Variants in ZNF841 observed in about 807,000 individuals in gnomAD.
ZNF841 encodes the protein zinc finger protein 841.
Under a neutral mutation model 13.0 loss-of-function variants are expected in ZNF841, and 11 were observed. That is an observed-to-expected ratio of 0.85 (90% confidence interval 0.53 to 1.40). ZNF841 has a LOEUF of 1.40. Ranked by LOEUF, ZNF841 falls within the 40% of genes most tolerant of loss-of-function variation. ZNF841 has a pLI of 0.00. For missense variants in ZNF841, 1,068 were observed against 1,139.5 expected (o/e 0.94, Z 0.90); for synonymous variants, 369 against 381.6 (o/e 0.97, Z 0.38).
chr19:52,084,836 G>A lies in ZNF841; in HGVS notation c.-35C>T, dbSNP rs1475555598. 2 of 1,605,904 alleles carry A rather than the reference G, an allele frequency of 1.2e-6. No homozygotes were observed. Among genetic ancestry groups the A allele is most frequent in the Non-Finnish European group, 1.7e-6 (2 of 1,176,272 alleles). ...CTTTTCTTTCTTCTTTCTCTCCTGG[G>A]CCTCTCTCTCAGTCAATATAATTAA... On this transcript the variant is annotated 5_prime_UTR_variant, in exon 4 of 7. Transcript: ENST00000594440.
In ZNF841 at chr19:52,066,431, G is replaced by C. The variant is rs1200960597; in HGVS notation, c.1451C>G (p.Pro484Arg). Residue 484 changes from proline to arginine, a missense_variant, in exon 7 of 7, where the codon CCC becomes CGC. Pro to Arg is a moderately radical substitution (Grantham distance 103). Coordinates refer to ENST00000594440, the MANE Select transcript of ZNF841 (RefSeq NM_001136499.2). ...CTTGCCACATTCATTACATTTGTAG[G>C]GTTTCTCTCCAGTATGAATTCTCCG... ...GHRRIHTGEK[P>R]YKCNECGKVF... The C allele has an allele frequency of 2.5e-6, 4 of 1,614,042 alleles. No individual in the cohort carries two copies. The highest frequency in any genetic ancestry group is 2.5e-6 in the Non-Finnish European group (3 of 1,180,000).
At chr19:52,083,485 A>T (rs2088167639) in intron 4 of ZNF841, among the ~76,000 whole-genome samples, 2 of 152,060 alleles carry the variant, frequency 1.3e-5, no homozygotes, top group Non-Finnish European at 2.9e-5. Context: ...TAAAAAAAAT[A>T]AAAATTCTTT....
intron 4 of ZNF841, 52 bp downstream of exon 4, chr19:52,084,735 T>C (rs1403807416): frequency 1.2e-6 from 2 of 1,602,608 alleles, no homozygotes; most frequent in East Asian, 4.5e-5. Flanking sequence ...TCCAATGCCC[T>C]GCATTTCAAA....
intron 2 of ZNF841, among the ~76,000 whole-genome samples, chr19:52,090,705 A>AAGAAAGAAAGAC (rs1568549782): frequency 7.6e-6 from 1 of 131,918 alleles, no homozygotes; most frequent in East Asian, 2.2e-4. Context: ...GAAAGAAAGA[A>AAGAAAGAAAGAC]AGAGAAAGAA....
At position 52,065,827 on chromosome 19, in the gene ZNF841, T is replaced by G; in HGVS notation, c.2055A>C (p.Glu685Asp). 1 of 1,613,606 alleles carries G rather than the reference T, an allele frequency of 6.2e-7. No homozygotes were observed. The highest frequency in any genetic ancestry group is 8.5e-7 in the Non-Finnish European group (1 of 1,179,676). The change falls in exon 7 of 7, where the codon GAA becomes GAC. Residue 685 changes from glutamate to aspartate, a missense_variant. Physicochemically the swap from Glu to Asp is conservative, Grantham distance 45. Coordinates refer to ENST00000594440, the MANE Select transcript of ZNF841 (RefSeq NM_001136499.2). ...AACTTTGGATAAAAGCCTCACCAAA[T>G]TCATTACAGTGGTAAGGGTTCTCTC... is the stretch of plus-strand genomic sequence containing the variant. ...HTGENPYHCNEFGEAFIQSSK... is the reference protein window; with the variant it reads ...HTGENPYHCNDFGEAFIQSSK...
chr19:52,062,309 G>A (rs1396206837), downstream of ZNF841, among the ~76,000 whole-genome samples: 1 of 152,148 alleles, frequency 6.6e-6, no homozygotes, highest in African/African-American at 2.4e-5. Flanking sequence ...GAAGTGAAAA[G>A]AATGTACAAA....
At chr19:52,064,073 A>G (rs8100240), downstream of ZNF841, among the ~76,000 whole-genome samples, 68,926 of 151,084 alleles carry the variant, frequency 0.46, 18,221 homozygotes, top group African/African-American at 0.72. Context: ...GGCCGGGCGC[A>G]GTGGCTCACG....
At chr19:52,079,597 C>G (rs2123308477) in intron 4 of ZNF841, among the ~76,000 whole-genome samples, 2 of 152,094 alleles carry the variant, frequency 1.3e-5, no homozygotes, top group Admixed American at 1.3e-4. Context: ...TGTCATTCAC[C>G]ACTGCACTGG....
chr19:52,068,880 G>A (rs922291155), intron 6 of ZNF841, among the ~76,000 whole-genome samples: 2 of 151,902 alleles, frequency 1.3e-5, no homozygotes, highest in African/African-American at 4.8e-5. Context: ...GCTGAAGCAC[G>A]AGAATCACAT....
At chr19:52,064,085 C>G (rs1038682197), downstream of ZNF841, among the ~76,000 whole-genome samples, 6 of 152,062 alleles carry the variant, frequency 3.9e-5, no homozygotes, top group Non-Finnish European at 7.4e-5. Context: ...TGGCTCACGC[C>G]TGTAATCCCA....
downstream of ZNF841, among the ~76,000 whole-genome samples, chr19:52,060,140 C>T (rs2087373548): frequency 6.6e-6 from 1 of 152,178 alleles, no homozygotes; most frequent in Admixed American, 6.5e-5. Context: ...TTTGATGCTG[C>T]ATTCTTTCAT....
chr19:52,059,574 T>C (rs1467162069), downstream of ZNF841, among the ~76,000 whole-genome samples: 1 of 151,856 alleles, frequency 6.6e-6, no homozygotes, highest in Non-Finnish European at 1.5e-5. Flanking sequence ...AACAGGATTT[T>C]TAAAACACAA....
chr19:52,075,742 G>C (rs1414372296), intron 6 of ZNF841, among the ~76,000 whole-genome samples: 1 of 152,222 alleles, frequency 6.6e-6, no homozygotes, highest in Non-Finnish European at 1.5e-5. Context: ...ACGGGAAAGA[G>C]ACTTCTTTGA....
Position 52,065,011 on chromosome 19 carries a change from C to T in ZNF841, c.*96G>A, listed in dbSNP as rs1340016213. On this transcript the variant is annotated 3_prime_UTR_variant, in exon 7 of 7. Transcript: ENST00000594440. ...CCACCCCCATCATCCAATCACCTCC[C>T]ACTAGGCTCCACCTCCAATACTGGA... The T allele has an allele frequency of 3.4e-5, 38 of 1,127,928 alleles. No individual in the cohort carries two copies. Among genetic ancestry groups the T allele is most frequent in the Non-Finnish European group, 4.4e-5 (36 of 820,810 alleles). The allele number at this position is 1,127,928 out of a possible 1,614,324, so 69.9% of individuals were successfully genotyped here.
chr19:52,062,628 T>A (rs373527550), downstream of ZNF841, among the ~76,000 whole-genome samples: 1 of 152,192 alleles, frequency 6.6e-6, no homozygotes, highest in Non-Finnish European at 1.5e-5. Context: ...TACTTTAGGA[T>A]GAAGGTCACA....
At chr19:52,075,890 C>T (rs528836751) in intron 6 of ZNF841, among the ~76,000 whole-genome samples, 154 bp downstream of exon 6, 4 of 152,274 alleles carry the variant, frequency 2.6e-5, no homozygotes, top group East Asian at 1.9e-4. Context: ...TAAAGTTATA[C>T]GTGTCTGGAA....
rs2087532266 is a variant in ZNF841, at chr19:52,065,725, A to G, written c.2157T>C (p.Ser719=). 3.1e-6 allele frequency: 5 copies of G among 1,605,762 alleles called. No individual in the cohort carries two copies. In the South Asian group the frequency reaches 5.5e-5, roughly 18 times the overall value. ...HKCSECGRTF[S]HKTSLVYHQR... ...GATGGTACACCAGACTTGTTTTATG[A>G]CTAAAAGTTCTACCACATTCACTAC... Residue 719 remains serine (S), a synonymous_variant, in exon 7 of 7, where the codon AGT becomes AGC. Coordinates refer to ENST00000594440, the MANE Select transcript of ZNF841 (RefSeq NM_001136499.2).
intron 4 of ZNF841, among the ~76,000 whole-genome samples, chr19:52,084,537 CTCCA>C (rs1265720877): frequency 6.6e-6 from 1 of 152,220 alleles, no homozygotes; most frequent in Non-Finnish European, 1.5e-5. Flanking sequence ...CACACCCTGT[CTCCA>C]TCCATGTCTG....
At chr19:52,079,200 T>C (rs2088010080) in intron 4 of ZNF841, among the ~76,000 whole-genome samples, 1 of 152,112 alleles carries the variant, frequency 6.6e-6, no homozygotes, top group Non-Finnish European at 1.5e-5. Context: ...TATTTAAATA[T>C]CTAAGTGCAA....
Sources: allele counts gnomAD v4.1 joint callset (sites outside exome capture counted in the v4.1 genomes callset), GRCh38; gene constraint gnomAD v4.1.1; transcripts MANE v1.5; gene names NCBI Gene and HGNC (gene_info 2026-07-23, HGNC 2026-07-21).